ARHGAP26: variants seen among roughly 807,000 people sequenced by gnomAD.
The protein encoded by ARHGAP26 is Rho GTPase activating protein 26, also known as rho GTPase-activating protein 26.
A neutral mutation model predicts 104.8 loss-of-function variants in ARHGAP26; 38 were observed. The ratio of observed to expected loss-of-function variants is 0.36; its 90% CI spans 0.28 to 0.48. The LOEUF is 0.48. Among genes scored for constraint, ARHGAP26 ranks in the 20% least tolerant of loss-of-function variants. ARHGAP26 has a pLI of 0.99. For missense variants in ARHGAP26, 704 were observed against 947.9 expected (o/e 0.74, Z 3.38); for synonymous variants, 341 against 340.0 (o/e 1.00, Z -0.03).
intron 11 of ARHGAP26, among the ~76,000 whole-genome samples, chr5:142,948,113 G>A (rs1223759828): frequency 1.3e-5 from 2 of 152,154 alleles, no homozygotes; most frequent in African/African-American, 4.8e-5. Context: ...CGCGGGCTTT[G>A]ATGCGGCACT....
rs964004659 is a variant in ARHGAP26, at chr5:142,903,677, C to T, written c.832+8C>T. On this transcript the variant is annotated splice_region_variant and intron_variant, in intron 8 of 22. Coordinates refer to ENST00000645722, the MANE Select transcript of ARHGAP26 (RefSeq NM_001135608.3). The stretch of plus-strand genomic sequence containing the variant: ...TCTACGTGCAGGAGAAACGTGAGTG[C>T]TTTGACTAGCAACAGCTTGGGATGT... 1.2e-6 allele frequency: 2 copies of T among 1,612,518 alleles called. No homozygotes were observed. Among genetic ancestry groups the T allele is most frequent in the African/African-American group, 2.7e-5 (2 of 74,852 alleles).
intron 6 of ARHGAP26, among the ~76,000 whole-genome samples, chr5:142,897,409 A>G (rs1372198213): frequency 6.6e-6 from 1 of 152,244 alleles, no homozygotes; most frequent in Non-Finnish European, 1.5e-5. Context: ...GTCTCTGCAC[A>G]TCAGCTTCTA....
At chr5:142,774,474 A>G (rs113207295) in intron 1 of ARHGAP26, among the ~76,000 whole-genome samples, 3 of 152,120 alleles carry the variant, frequency 2.0e-5, no homozygotes, top group African/African-American at 7.2e-5. Context: ...GAAGTGTAGA[A>G]AGTTCCCACA....
At chr5:142,945,633 T>G (rs958751456) in intron 11 of ARHGAP26, among the ~76,000 whole-genome samples, 1 of 152,242 alleles carries the variant, frequency 6.6e-6, no homozygotes, top group African/African-American at 2.4e-5. Context: ...TGTGTGTGTG[T>G]GTTTGCATTA....
chr5:143,118,034 A>G (rs530588027), intron 17 of ARHGAP26, among the ~76,000 whole-genome samples: 1 of 152,358 alleles, frequency 6.6e-6, no homozygotes, highest in African/African-American at 2.4e-5. Context: ...TAAATGCAGG[A>G]GCAGGCCAAC....
At chr5:142,903,980 G>A (rs996883414) in intron 8 of ARHGAP26, among the ~76,000 whole-genome samples, 4 of 152,018 alleles carry the variant, frequency 2.6e-5, no homozygotes, top group Admixed American at 6.6e-5. Context: ...CATACCCTGA[G>A]CATAGCAGCC....
intron 19 of ARHGAP26, among the ~76,000 whole-genome samples, chr5:143,144,678 G>A (rs945475586): frequency 1.3e-5 from 2 of 152,148 alleles, no homozygotes; most frequent in African/African-American, 4.8e-5. Context: ...AAGGCGATGG[G>A]ATTACAGGCA....
intron 20 of ARHGAP26, chr5:143,169,820 T>G (rs1802526374): frequency 6.6e-6 from 1 of 152,222 alleles, no homozygotes; most frequent in Non-Finnish European, 1.5e-5. Flanking sequence ...GTGAAGGATT[T>G]GGTGACTTTA....
intron 1 of ARHGAP26, among the ~76,000 whole-genome samples, chr5:142,778,684 C>T (rs991847809): frequency 6.6e-6 from 1 of 152,188 alleles, no homozygotes; most frequent in Admixed American, 6.5e-5. Context: ...ATTATTTGCA[C>T]ACCTGCTTTT....
intron 1 of ARHGAP26, among the ~76,000 whole-genome samples, chr5:142,853,861 T>C (rs943710872): frequency 7.2e-5 from 11 of 152,280 alleles, no homozygotes; most frequent in South Asian, 4.1e-4. Context: ...GTTTGTAGTG[T>C]AATGGGAAAC....
Position 142,775,262 on chromosome 5 carries a change from A to C in ARHGAP26, c.154+4347A>C, listed in dbSNP as rs535035512. Reference sequence around the variant, plus strand: ...CCTGTTGCTCTACATTCTGCTCAGCACTTGGTTTTGTCTGTGTTTTGGATT... The same window carrying C: ...CCTGTTGCTCTACATTCTGCTCAGCCCTTGGTTTTGTCTGTGTTTTGGATT... On this transcript the variant is annotated intron_variant, in intron 1 of 22. Coordinates refer to ENST00000645722, the MANE Select transcript of ARHGAP26 (RefSeq NM_001135608.3). Among the ~76,000 whole-genome samples, 157 of 152,212 alleles carry C rather than the reference A, an allele frequency of 1.0e-3. 1 individual carries two copies. The highest frequency in any genetic ancestry group is 3.5e-3 in the African/African-American group (147 of 41,522).
chr5:142,976,867 C>T (rs367850308), intron 11 of ARHGAP26, among the ~76,000 whole-genome samples: 12 of 152,318 alleles, frequency 7.9e-5, no homozygotes, highest in African/African-American at 2.6e-4. Flanking sequence ...TTCTCCTCAT[C>T]GTGTCAAAGA....
chr5:142,893,851 T>G (rs919270646), intron 5 of ARHGAP26, among the ~76,000 whole-genome samples: 4 of 152,118 alleles, frequency 2.6e-5, no homozygotes, highest in Non-Finnish European at 4.4e-5. Flanking sequence ...GTTGAACGTT[T>G]TTTAATATAC....
intron 20 of ARHGAP26, among the ~76,000 whole-genome samples, chr5:143,157,536 G>A (rs895155867): frequency 4.6e-5 from 7 of 152,086 alleles, no homozygotes; most frequent in Non-Finnish European, 8.8e-5. Flanking sequence ...ATCTTGAAGG[G>A]GCATCTCTTA....
At chr5:143,150,466 G>A (rs866589595) in intron 20 of ARHGAP26, among the ~76,000 whole-genome samples, 6 of 152,160 alleles carry the variant, frequency 3.9e-5, no homozygotes, top group South Asian at 2.1e-4. Flanking sequence ...GGAAAAGGTC[G>A]GGTAGATGGA....
chr5:142,895,482 G>A (rs1175033950), intron 6 of ARHGAP26, among the ~76,000 whole-genome samples: 1 of 152,018 alleles, frequency 6.6e-6, no homozygotes, highest in Non-Finnish European at 1.5e-5. Flanking sequence ...CGCCCGCCTC[G>A]GCCTCCCAAA....
At chr5:142,934,886 G>C (rs1765200182) in intron 11 of ARHGAP26, among the ~76,000 whole-genome samples, 1 of 151,916 alleles carries the variant, frequency 6.6e-6, no homozygotes, top group South Asian at 2.1e-4. Context: ...TCCCAAATCA[G>C]TTGATTTTGC....
rs540198864 is a variant in ARHGAP26 at position 142,982,580 on chromosome 5, G to A, written c.1108-31500G>A. 3.9e-5 allele frequency among the ~76,000 whole-genome samples: 6 copies of A among 152,320 alleles called. No individual in the cohort carries two copies. The South Asian group carries it at 1.2e-3, about 32-fold the overall frequency. ...TAGCGGAAGGAAGGAATCTGAAAAG[G>A]AAGGGAAGGATCTCACCACCCAGTG... On this transcript the variant is annotated intron_variant, in intron 11 of 22. Coordinates refer to ENST00000645722, the MANE Select transcript of ARHGAP26 (RefSeq NM_001135608.3).
intron 18 of ARHGAP26, among the ~76,000 whole-genome samples, chr5:143,127,691 G>A (rs1188455840): frequency 6.6e-6 from 1 of 152,168 alleles, no homozygotes; most frequent in Non-Finnish European, 1.5e-5. Context: ...CCACCAATCT[G>A]CCTTGATCTG....
Sources: gnomAD v4.1 joint callset for allele counts (sites outside exome capture counted in the v4.1 genomes callset) on GRCh38, gnomAD v4.1.1 for gene constraint, MANE v1.5 for transcripts, NCBI Gene and HGNC (gene_info 2026-07-23, HGNC 2026-07-21) for gene names.